SLC25A21: variants seen among roughly 807,000 people sequenced by gnomAD.
SLC25A21 encodes mitochondrial 2-oxodicarboxylate carrier.
SLC25A21 carries 47 observed loss-of-function variants against 43.8 expected under a neutral mutation model. The ratio of observed to expected loss-of-function variants is 1.07; its 90% CI spans 0.85 to 1.37. SLC25A21 has a LOEUF of 1.37. SLC25A21 is among the 40% of genes most tolerant of loss of function. The pLI, the probability that SLC25A21 is intolerant of heterozygous loss-of-function variation, is 0.00. For missense variants in SLC25A21, 352 were observed against 350.2 expected, an observed-to-expected ratio of 1.00 and a Z score of -0.04; for synonymous variants, 131 against 121.3, an observed-to-expected ratio of 1.08 and a Z score of -0.52.
At chr14:37,144,652 T>G (rs1211697099) in intron 1 of SLC25A21, among the ~76,000 whole-genome samples, 1 of 152,148 alleles carries the variant, frequency 6.6e-6, no homozygotes, top group Non-Finnish European at 1.5e-5. Context: ...AAATCAGTAG[T>G]TAAGTGAAAT....
intron 4 of SLC25A21, among the ~76,000 whole-genome samples, chr14:36,731,299 A>T (rs1351155907): frequency 6.6e-6 from 1 of 152,130 alleles, no homozygotes; most frequent in Non-Finnish European, 1.5e-5. Flanking sequence ...TTTTATGATT[A>T]TCATCATCAT....
At chr14:36,736,194 CAA>C (rs1885034047) in intron 3 of SLC25A21, among the ~76,000 whole-genome samples, 1 of 152,084 alleles carries the variant, frequency 6.6e-6, no homozygotes, top group Non-Finnish European at 1.5e-5. Flanking sequence ...CTTGGCCTCC[CAA>C]AGTGCTGGGA....
chr14:37,073,164 A>G (rs1027316014), intron 1 of SLC25A21, among the ~76,000 whole-genome samples: 2 of 152,212 alleles, frequency 1.3e-5, no homozygotes, highest in African/African-American at 4.8e-5. Flanking sequence ...CACTCCTCCT[A>G]TCCTAAGAAT....
intron 6 of SLC25A21, among the ~76,000 whole-genome samples, chr14:36,723,300 T>C (rs1936727527): frequency 6.6e-6 from 1 of 152,256 alleles, no homozygotes; most frequent in South Asian, 2.1e-4. Flanking sequence ...TTGCCCATAA[T>C]GTGCCACATC....
chr14:36,914,606 C>T (rs879752850), intron 1 of SLC25A21, among the ~76,000 whole-genome samples: 5 of 151,876 alleles, frequency 3.3e-5, no homozygotes, highest in African/African-American at 7.3e-5. Context: ...GAACATAAAG[C>T]GAGTGACAAC....
At chr14:36,768,494 G>T (rs573444138) in intron 3 of SLC25A21, among the ~76,000 whole-genome samples, 21 of 151,806 alleles carry the variant, frequency 1.4e-4, no homozygotes, top group Non-Finnish European at 2.8e-4. Context: ...CCCCACCGTC[G>T]CCTCTTCTGA....
chr14:36,976,092 G>A (rs777013651), intron 1 of SLC25A21, among the ~76,000 whole-genome samples: 29 of 152,162 alleles, frequency 1.9e-4, no homozygotes, highest in Non-Finnish European at 4.0e-4. Context: ...ATGTTCCCAT[G>A]TGTTGACCTG....
intron 1 of SLC25A21, among the ~76,000 whole-genome samples, chr14:36,892,251 G>GTA (rs1262535995): frequency 6.6e-6 from 1 of 152,060 alleles, no homozygotes; most frequent in Non-Finnish European, 1.5e-5. Context: ...CTACTACTGA[G>GTA]TATATATATA....
chr14:36,731,217 A>C (rs959006782), intron 4 of SLC25A21, among the ~76,000 whole-genome samples: 3 of 152,188 alleles, frequency 2.0e-5, no homozygotes, highest in Middle Eastern at 3.4e-3. Flanking sequence ...TCGTGATCCG[A>C]CCGCCTCGGC....
Position 37,057,851 on chromosome 14 carries a change from C to T in SLC25A21, c.70+114430G>A, listed in dbSNP as rs560944489. ...TGCATATTAAGATCTAGAACACTAA[C>T]ATCTTAATAAATTAATATCTAGAAC... On this transcript the variant is annotated intron_variant, in intron 1 of 9. Coordinates refer to ENST00000331299, the MANE Select transcript of SLC25A21 (RefSeq NM_030631.4). Among the ~76,000 whole-genome samples, 24 of 152,298 alleles carry T rather than the reference C, an allele frequency of 1.6e-4. No individual in the cohort carries two copies. In the South Asian group the frequency reaches 4.6e-3, roughly 29 times the overall value.
At chr14:36,777,830 A>G (rs897967958) in intron 3 of SLC25A21, among the ~76,000 whole-genome samples, 2 of 152,188 alleles carry the variant, frequency 1.3e-5, no homozygotes, top group African/African-American at 4.8e-5. Flanking sequence ...AAATGAGTAC[A>G]TCCCCCATTC....
chr14:37,008,970 T>C (rs914137211), intron 1 of SLC25A21, among the ~76,000 whole-genome samples: 5 of 152,158 alleles, frequency 3.3e-5, no homozygotes, highest in African/African-American at 7.2e-5. Flanking sequence ...ACATGACTTA[T>C]AGAAGAAAGT....
intron 1 of SLC25A21, among the ~76,000 whole-genome samples, chr14:36,876,936 G>GATAGATAC (rs954726172): frequency 7.8e-6 from 1 of 127,534 alleles, no homozygotes; most frequent in Admixed American, 8.1e-5. Flanking sequence ...TAGATAGATA[G>GATAGATAC]ATACACACAC....
chr14:36,705,600 GTC>G (rs1338821085), intron 7 of SLC25A21, among the ~76,000 whole-genome samples: 1 of 152,022 alleles, frequency 6.6e-6, no homozygotes, highest in African/African-American at 2.4e-5. Context: ...CTCTGCCTCT[GTC>G]TCTGTCTCTC....
chr14:37,157,204 C>A (rs983145848), intron 1 of SLC25A21, among the ~76,000 whole-genome samples: 19 of 151,910 alleles, frequency 1.3e-4, no homozygotes, highest in South Asian at 2.1e-4. Context: ...TAAAAACACA[C>A]AAAAAAATTA....
chr14:37,125,575 C>T (rs939572107), intron 1 of SLC25A21, among the ~76,000 whole-genome samples: 2 of 152,216 alleles, frequency 1.3e-5, no homozygotes, highest in African/African-American at 2.4e-5. Context: ...AATTCTCTGA[C>T]TTCCCTTGTT....
intron 3 of SLC25A21, among the ~76,000 whole-genome samples, chr14:36,760,988 T>C (rs1193160584): frequency 6.6e-6 from 1 of 152,256 alleles, no homozygotes; most frequent in African/African-American, 2.4e-5. Flanking sequence ...GCTTGGCAGA[T>C]TCTTAGAGGC....
At position 37,134,691 on chromosome 14, in the gene SLC25A21, G is replaced by C. The variant is rs562761228; in HGVS notation, c.70+37590C>G. On this transcript the variant is annotated intron_variant, in intron 1 of 9. Coordinates refer to ENST00000331299, the MANE Select transcript of SLC25A21 (RefSeq NM_030631.4). ...AAGAAAGAAAGAAAAGAAAAGAAAAGAAAACAAACAGCAACAACAAAAACC... is the reference window on the plus strand; with the variant it reads ...AAGAAAGAAAGAAAAGAAAAGAAAACAAAACAAACAGCAACAACAAAAACC... Among the ~76,000 whole-genome samples, 28 of 150,390 alleles carry C rather than the reference G, an allele frequency of 1.9e-4. 1 individual carries two copies. The highest frequency in any genetic ancestry group is 4.2e-4 in the South Asian group (2 of 4,740).
intron 3 of SLC25A21, among the ~76,000 whole-genome samples, chr14:36,764,473 G>A (rs1453042473): frequency 1.3e-5 from 2 of 148,632 alleles, no homozygotes; most frequent in African/African-American, 2.5e-5. Flanking sequence ...GCTGCCACGC[G>A]TGAAGAACGA....
Sources: allele counts gnomAD v4.1 joint callset (sites outside exome capture counted in the v4.1 genomes callset), GRCh38; gene constraint gnomAD v4.1.1; transcripts MANE v1.5; gene names NCBI Gene and HGNC (gene_info 2026-07-23, HGNC 2026-07-21).